The following SETX variants were observed in gnomAD, a reference collection of about 807,000 sequenced individuals.
The protein encoded by SETX is senataxin.
SETX carries 90 observed loss-of-function variants against 227.2 expected under a neutral mutation model. The ratio of observed to expected loss-of-function variants is 0.40; its 90% CI spans 0.33 to 0.47. The LOEUF is 0.47. Among genes scored for constraint, SETX ranks in the 20% least tolerant of loss-of-function variants. The probability of loss-of-function intolerance (pLI) is 0.91; values close to 1 mark genes in which losing one functional copy is unlikely to be tolerated. For synonymous variants in SETX, 1,210 were observed against 1,113.2 expected (o/e 1.09, Z -1.73); for missense variants, 3,052 against 3,181.5 (o/e 0.96, Z 0.98).
At chr9:132,277,243 T>G (rs1048341727) in intron 21 of SETX, 91 bp from the exon 22 acceptor site, 1 of 1,154,544 alleles carries the variant, frequency 8.7e-7, no homozygotes, top group African/African-American at 1.5e-5. Context: ...TGTGTGGTGA[T>G]GTGGGCTGGG....
Position 132,349,405 on chromosome 9 carries a change from C to T in SETX, c.24G>A (p.Thr8=), listed in dbSNP as rs767823293. 24 of 1,614,008 alleles carry T rather than the reference C, an allele frequency of 1.5e-5. No homozygotes were observed. Among genetic ancestry groups the T allele is most frequent in the African/African-American group, 8.0e-5 (6 of 74,876 alleles). The change falls in exon 3 of 26, where the codon ACG becomes ACA. Residue 8 remains threonine (T), a synonymous_variant. Coordinates refer to ENST00000224140, the MANE Select transcript of SETX (RefSeq NM_015046.7). MSTCCWC[T]PGGASTIDFL... ...AGTCAATGGTGGAAGCACCACCTGG[C>T]GTACACCAACAACATGTGCTCATTC...
chr9:132,290,983 A>G (rs1182879538), intron 15 of SETX, among the ~76,000 whole-genome samples: 1 of 152,094 alleles, frequency 6.6e-6, no homozygotes, highest in Non-Finnish European at 1.5e-5. Context: ...TTAAATGTTA[A>G]GCCCCAAAAG....
intron 10 of SETX, among the ~76,000 whole-genome samples, chr9:132,322,867 TACC>T (rs1846451833): frequency 6.6e-6 from 1 of 151,660 alleles, no homozygotes; most frequent in Non-Finnish European, 1.5e-5. Flanking sequence ...TAATAAAAAA[TACC>T]ACATCCATGA....
chr9:132,336,102 G>A (rs1847596420), intron 6 of SETX, among the ~76,000 whole-genome samples, 194 bp downstream of exon 6: 1 of 152,140 alleles, frequency 6.6e-6, no homozygotes, highest in Non-Finnish European at 1.5e-5. Context: ...AATTAGCCAG[G>A]TGTGGTGGCG....
At chr9:132,337,384 A>AT (rs1281077911) in intron 5 of SETX, among the ~76,000 whole-genome samples, 1 of 151,356 alleles carries the variant, frequency 6.6e-6, no homozygotes, top group East Asian at 1.9e-4. Flanking sequence ...TAAAGAAGTG[A>AT]TTTTAAATTT....
chr9:132,298,583 G>A (rs138199377), intron 12 of SETX, among the ~76,000 whole-genome samples: 1 of 152,124 alleles, frequency 6.6e-6, no homozygotes, highest in African/African-American at 2.4e-5. Flanking sequence ...GAAGTGATGG[G>A]GATGGAGGCA....
At chr9:132,292,870 C>T (rs12236969) in intron 15 of SETX, among the ~76,000 whole-genome samples, 8,556 of 152,186 alleles carry the variant, frequency 0.056, 368 homozygotes, top group East Asian at 0.25. Flanking sequence ...ATCTCCTGAC[C>T]TGGTGATCTG....
intron 3 of SETX, among the ~76,000 whole-genome samples, chr9:132,348,955 A>G (rs1848460514): frequency 6.6e-6 from 1 of 152,114 alleles, no homozygotes; most frequent in Admixed American, 6.5e-5. Context: ...CAAACTATGA[A>G]AACCCATGTG....
intron 10 of SETX, among the ~76,000 whole-genome samples, chr9:132,321,987 C>A (rs1382500937): frequency 6.6e-6 from 1 of 152,150 alleles, no homozygotes. Flanking sequence ...ATATATATAA[C>A]AAAATACAGA....
intron 10 of SETX, among the ~76,000 whole-genome samples, chr9:132,325,173 G>A (rs1037990316): frequency 2.6e-5 from 4 of 151,964 alleles, no homozygotes; most frequent in Admixed American, 1.3e-4. Context: ...TGGCTAACAT[G>A]GTGAAACCCC....
At position 132,331,337 on chromosome 9, in the gene SETX, G is replaced by T. The variant is rs748801074; in HGVS notation, c.950C>A (p.Thr317Asn). 5 of 1,613,974 alleles carry T rather than the reference G, an allele frequency of 3.1e-6. No homozygotes were observed. The South Asian group carries it at 5.5e-5, about 18-fold the overall frequency. Residue 317 changes from threonine (T) to asparagine (N), a missense_variant, in exon 8 of 26, where the codon ACC (threonine) becomes AAC (asparagine). Physicochemically the swap from Thr to Asn is moderately conservative, Grantham distance 65. Transcript: ENST00000224140. Reference sequence around the variant, plus strand: ...ATTGTAGCTTGCGTTGTTGATAATGGTTTGAAATGCCACAATAGGATCCAT... The same window carrying T: ...ATTGTAGCTTGCGTTGTTGATAATGTTTTGAAATGCCACAATAGGATCCAT... ...QLMDPIVAFQ[T>N]IINNASYNRE...
Position 132,336,404 on chromosome 9 carries a change from G to C in SETX, c.610C>G (p.Leu204Val), listed in dbSNP as rs1696828151. ...GTATAAATGTCTGGACTCTCTAAAA[G>C]CCCCAACTCAATGACTTTAAAAAGG... ...LCLFKVIELG[L>V]LESPDIYTSS... The change falls in exon 6 of 26, where the codon CTT (leucine) becomes GTT (valine). Residue 204 changes from leucine to valine, a missense_variant. Transcript: ENST00000224140. The C allele has an allele frequency of 2.5e-6, 4 of 1,613,822 alleles. No individual in the cohort carries two copies. Among genetic ancestry groups the C allele is most frequent in the Non-Finnish European group, 3.4e-6 (4 of 1,179,790 alleles).
rs747616517 is a variant in SETX at position 132,264,422 on chromosome 9, C to T, written c.7851G>A (p.Thr2617=). ...CCGGGTCATCACATTTGCTCTGACA[C>T]GTGGAAGCCTCGGGACTGGCAGCTG... is the stretch of plus-strand genomic sequence containing the variant. ...EPPAASPEAS[T]CQSKCDDPEE... The change falls in exon 26 of 26, where the codon ACG becomes ACA. Residue 2617 remains threonine (T), a synonymous_variant. Transcript: ENST00000224140. 3.8e-5 allele frequency: 62 copies of T among 1,612,836 alleles called. No homozygotes were observed. In the Middle Eastern group the frequency reaches 4.9e-4, roughly 13 times the overall value.
chr9:132,331,498 T>C, intron 7 of SETX, 50 bp from the exon 8 acceptor site: 4 of 1,565,408 alleles, frequency 2.6e-6, no homozygotes, highest in Non-Finnish European at 3.5e-6. Context: ...TAGAAAAACA[T>C]ACTACAATAT....
chr9:132,299,992 T>C lies in SETX; in HGVS notation c.5548+638A>G, dbSNP rs193064482. ...AAAAACACAAAAAATTAGCCGGGAC[T>C]GGTGGCGGATGCCTATAATCCCAGC... On this transcript the variant is annotated intron_variant, in intron 12 of 25. Transcript: ENST00000224140. Among the ~76,000 whole-genome samples the C allele has an allele frequency of 1.8e-3, 277 of 152,034 alleles. 2 individuals carry two copies. Among genetic ancestry groups the C allele is most frequent in the African/African-American group, 6.1e-3 (251 of 41,472 alleles).
In SETX at chr9:132,328,053, T is replaced by A. The variant is rs1052216675; in HGVS notation, c.3545A>T (p.Asn1182Ile). The change falls in exon 10 of 26, where the codon AAT (asparagine) becomes ATT (isoleucine). Residue 1182 changes from asparagine to isoleucine, a missense_variant. By Grantham distance (149) the Asn-to-Ile change is moderately radical. Around this residue, in one of 10 missense-constraint regions of SETX, gnomAD observed 1,483 missense variants for 1,312.0 expected, o/e 1.13. Transcript: ENST00000224140. ...CTTATTAGTATCAGACTGGCCCTCA[T>A]TTCTGACAGAAGATGAAGGCCTCAC... ...DPVRPSSSVR[N>I]EGQSDTNKRD... 6 of 1,614,046 alleles carry A rather than the reference T, an allele frequency of 3.7e-6. No homozygotes were observed. In the African/African-American group the frequency reaches 8.0e-5, roughly 22 times the overall value.
intron 11 of SETX, among the ~76,000 whole-genome samples, chr9:132,311,517 C>T (rs576306207): frequency 3.9e-5 from 6 of 152,206 alleles, no homozygotes; most frequent in Non-Finnish European, 7.4e-5. Flanking sequence ...CCATTCCCAG[C>T]CCCCACTGAC....
At position 132,328,583 on chromosome 9, in the gene SETX, A is replaced by G. The variant is rs1406759867; in HGVS notation, c.3015T>C (p.Val1005=). The part of the protein sequence containing the change: ...KRCFTANQNN[V]GDTSRGQVII... ...TAACCTGTCCACGGGAGGTATCTCCAACATTATTTTGGTTAGCTGTGAAAC... is the reference window on the plus strand; with the variant it reads ...TAACCTGTCCACGGGAGGTATCTCCGACATTATTTTGGTTAGCTGTGAAAC... Residue 1005 remains valine (V), a synonymous_variant, in exon 10 of 26, where the codon GTT becomes GTC. Transcript: ENST00000224140. 6.2e-7 allele frequency: 1 copy of G among 1,613,984 alleles called. No homozygotes were observed. Among genetic ancestry groups the G allele is most frequent in the East Asian group, 2.2e-5 (1 of 44,880 alleles).
At chr9:132,342,252 G>A (rs934848292) in intron 5 of SETX, among the ~76,000 whole-genome samples, 7 of 152,044 alleles carry the variant, frequency 4.6e-5, no homozygotes, top group Non-Finnish European at 5.9e-5. Flanking sequence ...CACTGTTCTG[G>A]ATTTTGTCCT....
Sources: allele counts gnomAD v4.1 joint callset (sites outside exome capture counted in the v4.1 genomes callset), GRCh38; gene constraint gnomAD v4.1.1; regional missense constraint gnomAD v4.1.1; transcripts MANE v1.5; gene names NCBI Gene and HGNC (gene_info 2026-07-23, HGNC 2026-07-21).